KCNIP4: variants seen among roughly 807,000 people sequenced by gnomAD.
KCNIP4 encodes the protein Kv channel-interacting protein 4.
Under a neutral mutation model 34.0 loss-of-function variants are expected in KCNIP4, and 12 were observed. The observed-to-expected ratio is 0.35, with a 90% CI of 0.23 to 0.57. KCNIP4 has a LOEUF of 0.57. KCNIP4 is among the 20% of genes least tolerant of loss of function. The probability of loss-of-function intolerance (pLI) is 0.83; values close to 1 mark genes in which losing one functional copy is unlikely to be tolerated. For synonymous variants in KCNIP4, 124 were observed against 102.2 expected, an observed-to-expected ratio of 1.21 and a Z score of -1.29; for missense variants, 238 against 311.7, an observed-to-expected ratio of 0.76 and a Z score of 1.78.
intron 1 of KCNIP4, among the ~76,000 whole-genome samples, chr4:21,037,726 C>A (rs1013931491): frequency 1.3e-5 from 2 of 152,158 alleles, no homozygotes; most frequent in African/African-American, 4.8e-5. Context: ...AACAGTAAAT[C>A]AATCAAATCA....
chr4:21,638,256 C>A (rs753559995), intron 1 of KCNIP4, among the ~76,000 whole-genome samples: 14 of 152,144 alleles, frequency 9.2e-5, no homozygotes, highest in Non-Finnish European at 1.9e-4. Context: ...CATGATTCAT[C>A]AGCAGCCTAA....
chr4:21,868,273 G>A (rs1283370998), intron 1 of KCNIP4, among the ~76,000 whole-genome samples: 2 of 152,054 alleles, frequency 1.3e-5, no homozygotes, highest in Non-Finnish European at 2.9e-5. Context: ...ATCAAAAACT[G>A]TACTATTTCC....
chr4:20,741,185 A>G (rs1264165900), intron 5 of KCNIP4, among the ~76,000 whole-genome samples: 2 of 152,228 alleles, frequency 1.3e-5, no homozygotes, highest in African/African-American at 4.8e-5. Context: ...TAACAAGGAT[A>G]TCCAGGACTT....
intron 1 of KCNIP4, among the ~76,000 whole-genome samples, chr4:21,280,918 T>C (rs6448042): frequency 0.11 from 17,257 of 152,066 alleles, 1,112 homozygotes; most frequent in South Asian, 0.17. Context: ...GAGATGTGAA[T>C]GCTCCAGTCA....
intron 1 of KCNIP4, among the ~76,000 whole-genome samples, chr4:21,519,734 ATGTATG>A (rs1560481056): frequency 2.7e-4 from 31 of 115,778 alleles, no homozygotes; most frequent in Non-Finnish European, 4.2e-4. Context: ...ACGTGTGTAT[ATGTATG>A]ATACACACGT....
chr4:20,953,360 C>T (rs902568076), intron 1 of KCNIP4, among the ~76,000 whole-genome samples: 1 of 152,100 alleles, frequency 6.6e-6, no homozygotes, highest in African/African-American at 2.4e-5. Flanking sequence ...ATGGTTGGAA[C>T]CTAGCACAGT....
intron 1 of KCNIP4, among the ~76,000 whole-genome samples, chr4:20,924,939 T>C (rs921299196): frequency 1.3e-5 from 2 of 152,198 alleles, no homozygotes; most frequent in Non-Finnish European, 2.9e-5. Flanking sequence ...TTCCCAGATT[T>C]GTATGGACTC....
intron 1 of KCNIP4, among the ~76,000 whole-genome samples, chr4:21,541,265 A>T (rs533150392): frequency 6.6e-6 from 1 of 152,146 alleles, no homozygotes; most frequent in East Asian, 1.9e-4. Context: ...GGCTATCAAT[A>T]TCAACCTGAG....
At chr4:21,656,830 C>CA (rs978195667) in intron 1 of KCNIP4, 1 of 152,150 alleles carries the variant, frequency 6.6e-6, no homozygotes, top group Non-Finnish European at 1.5e-5. Context: ...TTGTCGATGG[C>CA]AAAATGGCCC....
chr4:21,287,371 ATC>A lies in KCNIP4; in HGVS notation c.62-404664_62-404663del, dbSNP rs528139562. 1.8e-3 allele frequency among the ~76,000 whole-genome samples: 281 copies of A among 152,342 alleles called. 2 individuals carry two copies. The highest frequency in any genetic ancestry group is 6.3e-3 in the African/African-American group (262 of 41,582). On this transcript the variant is annotated intron_variant, in intron 1 of 8. Coordinates refer to ENST00000382152, the MANE Select transcript of KCNIP4 (RefSeq NM_025221.6). ...ATGTGTGTACTAAACATAGGTCCAT[ATC>A]TCATAATTATTATGCAAAAGCAAAA...
chr4:20,730,475 T>C (rs909537712), intron 8 of KCNIP4, among the ~76,000 whole-genome samples: 1 of 152,162 alleles, frequency 6.6e-6, no homozygotes, highest in Non-Finnish European at 1.5e-5. Context: ...AATTTTGGCA[T>C]TCTATGTAGA....
At chr4:21,403,357 C>T (rs186028691) in intron 1 of KCNIP4, among the ~76,000 whole-genome samples, 3 of 152,284 alleles carry the variant, frequency 2.0e-5, no homozygotes, top group Admixed American at 1.3e-4. Flanking sequence ...TCATCCTAGT[C>T]AATGTCACCA....
chr4:21,566,360 G>A (rs938885413), intron 1 of KCNIP4, among the ~76,000 whole-genome samples: 2 of 152,038 alleles, frequency 1.3e-5, no homozygotes, highest in South Asian at 2.1e-4. Flanking sequence ...GTTGGAAGAG[G>A]GGCCTATTGG....
chr4:21,362,071 G>C (rs1279829827), intron 1 of KCNIP4, among the ~76,000 whole-genome samples: 2 of 152,124 alleles, frequency 1.3e-5, no homozygotes, highest in African/African-American at 4.8e-5. Flanking sequence ...GAATGAAGAG[G>C]AGAGGGGAGA....
chr4:20,882,680 G>T lies in KCNIP4; in HGVS notation c.91C>A (p.Arg31Ser). The T allele has an allele frequency of 2.5e-6, 4 of 1,613,460 alleles. No individual in the cohort carries two copies. The highest frequency in any genetic ancestry group is 3.4e-6 in the Non-Finnish European group (4 of 1,179,760). Residue 31 changes from arginine (R) to serine (S), a missense_variant, in exon 2 of 9, where the codon CGC (arginine) becomes AGC (serine). Transcript: ENST00000382152. ...GFLYAQNSTKRSIKERLMKLL... is the reference protein window; with the variant it reads ...GFLYAQNSTKSSIKERLMKLL... Reference sequence around the variant, plus strand: ...TTCATGAGCCGCTCTTTAATGCTGCGCTTGGTGCTGTTCTGAGCGTACAGG... The same window carrying T: ...TTCATGAGCCGCTCTTTAATGCTGCTCTTGGTGCTGTTCTGAGCGTACAGG...
intron 1 of KCNIP4, among the ~76,000 whole-genome samples, chr4:21,133,014 G>A (rs76256916): frequency 1.7e-4 from 25 of 145,832 alleles, no homozygotes; most frequent in South Asian, 2.2e-4. Flanking sequence ...CTCCATCTCA[G>A]AAAAAAAAAA....
chr4:20,993,378 T>C (rs962250894), intron 1 of KCNIP4, among the ~76,000 whole-genome samples: 1 of 152,204 alleles, frequency 6.6e-6, no homozygotes, highest in Non-Finnish European at 1.5e-5. Context: ...CCTGTGTCCA[T>C]ATTACTGTTC....
In KCNIP4 at chr4:21,553,996, G is replaced by T. The variant is rs557952712; in HGVS notation, c.61+394575C>A. Among the ~76,000 whole-genome samples, 7 of 152,160 alleles carry T rather than the reference G, an allele frequency of 4.6e-5. No individual in the cohort carries two copies. In the South Asian group the frequency reaches 1.4e-3, roughly 32 times the overall value. On this transcript the variant is annotated intron_variant, in intron 1 of 8. Transcript: ENST00000382152. Reference sequence around the variant, plus strand: ...AAGGGGCACAATTCAACCCACTATGGGGAGTTAGAAGTTAAGCATGTAAAT... The same window carrying T: ...AAGGGGCACAATTCAACCCACTATGTGGAGTTAGAAGTTAAGCATGTAAAT...
At chr4:20,991,247 A>G (rs905968913) in intron 1 of KCNIP4, among the ~76,000 whole-genome samples, 4 of 152,342 alleles carry the variant, frequency 2.6e-5, no homozygotes, top group East Asian at 1.9e-4. Context: ...AAGATTTAAA[A>G]TGCGAATGAC....
Sources: gnomAD v4.1 joint callset for allele counts (sites outside exome capture counted in the v4.1 genomes callset) on GRCh38, gnomAD v4.1.1 for gene constraint, MANE v1.5 for transcripts, NCBI Gene and HGNC (gene_info 2026-07-23, HGNC 2026-07-21) for gene names.